COL11A1: variants seen among roughly 807,000 people sequenced by gnomAD.
The protein encoded by COL11A1 is collagen alpha-1(XI) chain.
A neutral mutation model predicts 265.2 loss-of-function variants in COL11A1; 74 were observed. The ratio of observed to expected loss-of-function variants is 0.28; its 90% CI spans 0.23 to 0.34. The LOEUF (loss-of-function observed/expected upper bound fraction) is 0.34. COL11A1 is among the 10% of genes least tolerant of loss of function. The pLI is 1.00. For synonymous variants in COL11A1, 816 were observed against 727.6 expected, an observed-to-expected ratio of 1.12 and a Z score of -1.96; for missense variants, 2,165 against 2,263.6, an observed-to-expected ratio of 0.96 and a Z score of 0.88.
At chr1:103,023,545 C>T (rs748449476) in intron 7 of COL11A1, among the ~76,000 whole-genome samples, 16 of 151,884 alleles carry the variant, frequency 1.1e-4, no homozygotes, top group Non-Finnish European at 1.8e-4. Context: ...TTGGTAGAGA[C>T]GGGTTTTCTC....
At position 102,978,699 on chromosome 1, in the gene COL11A1, C is replaced by G. The variant is rs751335752; in HGVS notation, c.2754+9G>C. 8 of 1,613,546 alleles carry G rather than the reference C, an allele frequency of 5.0e-6. No homozygotes were observed. The highest frequency in any genetic ancestry group is 6.8e-6 in the Non-Finnish European group (8 of 1,179,568). ...TTCATTTTATATTATGTGGCTGTATCATACGTACTCTTTCACCTGGAGGGC... is the reference window on the plus strand; with the variant it reads ...TTCATTTTATATTATGTGGCTGTATGATACGTACTCTTTCACCTGGAGGGC... On this transcript the variant is annotated intron_variant, in intron 35 of 66. Coordinates refer to ENST00000370096, the MANE Select transcript of COL11A1 (RefSeq NM_001854.4).
chr1:103,083,086 T>C, intron 1 of COL11A1, 114 bp from the exon 2 acceptor site: 1 of 1,021,372 alleles, frequency 9.8e-7, no homozygotes. Context: ...ATTTATCACT[T>C]GCCATGCTTC....
intron 4 of COL11A1, among the ~76,000 whole-genome samples, chr1:103,046,514 C>A (rs1380541360): frequency 6.6e-6 from 1 of 151,540 alleles, no homozygotes; most frequent in East Asian, 1.9e-4. Flanking sequence ...AGCCCTTTGT[C>A]AGATGAATAG....
At chr1:103,031,030 G>T in intron 5 of COL11A1, 86 bp downstream of exon 5, 10 of 1,440,320 alleles carry the variant, frequency 6.9e-6, no homozygotes, top group Non-Finnish European at 9.7e-6. Context: ...AATTAAAATG[G>T]AATAAATAAG....
chr1:102,965,388 T>C (rs544194232), intron 38 of COL11A1, 99 bp downstream of exon 38: 2 of 1,151,778 alleles, frequency 1.7e-6, no homozygotes, highest in South Asian at 1.3e-5. Context: ...ATACATCATT[T>C]TGAATCATAA....
intron 20 of COL11A1, among the ~76,000 whole-genome samples, chr1:103,003,551 A>G (rs931290537): frequency 2.0e-5 from 3 of 152,100 alleles, no homozygotes; most frequent in Non-Finnish European, 4.4e-5. Context: ...ACAGTTTAAT[A>G]TTTTCTATAA....
chr1:102,972,054 G>A (rs564291534), intron 36 of COL11A1, among the ~76,000 whole-genome samples: 110 of 152,230 alleles, frequency 7.2e-4, no homozygotes, highest in Non-Finnish European at 1.3e-3. Flanking sequence ...TAGTTGATTG[G>A]TAGTAGACTT....
intron 6 of COL11A1, 66 bp from the exon 7 acceptor site, chr1:103,025,679 A>C: frequency 1.9e-6 from 3 of 1,572,970 alleles, no homozygotes; most frequent in Non-Finnish European, 2.6e-6. Flanking sequence ...GGAAATCATG[A>C]TTTAATTGGG....
At chr1:103,103,748 T>G (rs1016078297) in intron 1 of COL11A1, among the ~76,000 whole-genome samples, 2 of 44,078 alleles carry the variant, frequency 4.5e-5, no homozygotes, top group Admixed American at 7.5e-4. Flanking sequence ...AGTTGTTGAT[T>G]GCACAACAGA....
At chr1:103,085,974 A>T (rs1469670936) in intron 1 of COL11A1, among the ~76,000 whole-genome samples, 1 of 152,162 alleles carries the variant, frequency 6.6e-6, no homozygotes, top group East Asian at 1.9e-4. Flanking sequence ...ATTACTCTTA[A>T]GATCTGTGTA....
chr1:102,940,894 C>T (rs188095130), intron 42 of COL11A1, among the ~76,000 whole-genome samples: 28 of 152,104 alleles, frequency 1.8e-4, no homozygotes, highest in Admixed American at 1.6e-3. Flanking sequence ...TGTTTTGGTT[C>T]TCCTGGTTTT....
rs534123430 is a variant in COL11A1 at position 103,080,051 on chromosome 1, C to T, written c.275-1180G>A. Among the ~76,000 whole-genome samples, 106 of 150,116 alleles carry T rather than the reference C, an allele frequency of 7.1e-4. 1 individual carries two copies. The Middle Eastern group carries it at 0.01, about 14-fold the overall frequency. On this transcript the variant is annotated intron_variant, in intron 2 of 66. Coordinates refer to ENST00000370096, the MANE Select transcript of COL11A1 (RefSeq NM_001854.4). Reference sequence around the variant, plus strand: ...AATAATAAAATTTTATAATAAGCTGCAATGATTGAAACTGATTAAATAAAA... The same window carrying T: ...AATAATAAAATTTTATAATAAGCTGTAATGATTGAAACTGATTAAATAAAA...
chr1:103,051,639 G>A (rs1669837057), intron 4 of COL11A1, among the ~76,000 whole-genome samples: 1 of 152,188 alleles, frequency 6.6e-6, no homozygotes, highest in African/African-American at 2.4e-5. Flanking sequence ...ACACCCCAGT[G>A]AGATGAACCC....
Position 102,889,319 on chromosome 1 carries a change from A to G in COL11A1, c.4464+136T>C, listed in dbSNP as rs374288103. The G allele has an allele frequency of 3.9e-5, 28 of 712,176 alleles. No individual in the cohort carries two copies. The East Asian group carries it at 6.6e-4, about 17-fold the overall frequency. 44.1% of individuals were successfully genotyped at this position (712,176 alleles called of 1,614,324 possible). On this transcript the variant is annotated intron_variant, in intron 59 of 66. Coordinates refer to ENST00000370096, the MANE Select transcript of COL11A1 (RefSeq NM_001854.4). ...GGCTGAATAAAAATATCTTTTTAAG[A>G]ACATTACTGACTTAAATTAGAATTA... is the stretch of plus-strand genomic sequence containing the variant.
intron 54 of COL11A1, among the ~76,000 whole-genome samples, chr1:102,904,932 A>T (rs986645499): frequency 3.3e-5 from 5 of 152,174 alleles, no homozygotes; most frequent in African/African-American, 1.2e-4. Context: ...ACATATGTTT[A>T]TAGCGGCACT....
intron 49 of COL11A1, among the ~76,000 whole-genome samples, chr1:102,917,743 A>C (rs1480625925): frequency 6.6e-6 from 1 of 151,862 alleles, no homozygotes; most frequent in East Asian, 1.9e-4. Context: ...TGTGGTAAAA[A>C]GATAGGTTTA....
At chr1:103,083,122 G>T (rs1490874639) in intron 1 of COL11A1, 150 bp from the exon 2 acceptor site, 2 of 676,772 alleles carry the variant, frequency 3.0e-6, no homozygotes, top group East Asian at 5.5e-5. Context: ...GGAGTTTGGA[G>T]AGTGGGGCAG....
intron 54 of COL11A1, among the ~76,000 whole-genome samples, chr1:102,900,044 G>A (rs563986287): frequency 6.2e-4 from 95 of 152,086 alleles, no homozygotes; most frequent in South Asian, 4.4e-3. Context: ...TGTACCCCAT[G>A]AATTTATACA....
chr1:103,046,291 G>A (rs1233600053), intron 4 of COL11A1, among the ~76,000 whole-genome samples: 1 of 24,126 alleles, frequency 4.1e-5, no homozygotes, highest in Non-Finnish European at 1.0e-4. Flanking sequence ...TTTAATGATT[G>A]CCATTCTAAC....
Sources: gnomAD v4.1 joint callset for allele counts (sites outside exome capture counted in the v4.1 genomes callset) on GRCh38, gnomAD v4.1.1 for gene constraint, MANE v1.5 for transcripts, NCBI Gene and HGNC (gene_info 2026-07-23, HGNC 2026-07-21) for gene names.